DMD: variants seen among roughly 807,000 people sequenced by gnomAD.
The protein encoded by DMD is mutant dystrophin.
Under a neutral mutation model 330.1 loss-of-function variants are expected in DMD, and 63 were observed. That is an observed-to-expected ratio of 0.19 (90% confidence interval 0.16 to 0.24). DMD has a LOEUF of 0.24. Among genes scored for constraint, DMD ranks in the 10% least tolerant of loss-of-function variants. DMD has a pLI of 1.00. For synonymous variants in DMD, 1,223 were observed against 959.8 expected, an observed-to-expected ratio of 1.27 and a Z score of -5.07; for missense variants, 3,344 against 2,684.1, an observed-to-expected ratio of 1.25 and a Z score of -5.43.
intron 50 of DMD, among the ~76,000 whole-genome samples, chrX:31,814,574 A>G (rs1285298850): frequency 2.8e-5 from 3 of 106,989 alleles, no homozygotes; most frequent in Non-Finnish European, 5.8e-5. Flanking sequence ...TTCATTCCAT[A>G]GTTATTACCA....
chrX:31,947,375 T>C (rs753456733), intron 45 of DMD, among the ~76,000 whole-genome samples: 1 of 112,428 alleles, frequency 8.9e-6, no homozygotes, highest in African/African-American at 3.2e-5. Context: ...TCCTCTTGCC[T>C]TGGCCTCCCA....
intron 2 of DMD, among the ~76,000 whole-genome samples, chrX:32,895,841 G>T (rs1201898723): frequency 1.6e-5 from 1 of 63,029 alleles, no homozygotes; most frequent in Non-Finnish European, 2.8e-5. Context: ...GGCTTGGAAT[G>T]AACGTGTGTG....
chrX:32,024,486 CAAAAAA>C (rs71872956), intron 44 of DMD, among the ~76,000 whole-genome samples: 8 of 61,624 alleles, frequency 1.3e-4, no homozygotes, highest in African/African-American at 5.6e-4. Flanking sequence ...AACTCCCTCT[CAAAAAA>C]AAAAAAAAAA....
chrX:31,601,765 T>G, intron 55 of DMD, among the ~76,000 whole-genome samples: 1 of 111,541 alleles, frequency 9.0e-6, no homozygotes, highest in Middle Eastern at 4.6e-3. Context: ...TACTGCTCTT[T>G]ATATATTTCG....
chrX:31,801,582 C>T (rs2092064936), intron 50 of DMD, among the ~76,000 whole-genome samples: 1 of 69,323 alleles, frequency 1.4e-5, no homozygotes, highest in African/African-American at 5.0e-5. Flanking sequence ...TGTCCTCATC[C>T]CCCCCCCCCA....
At chrX:32,569,241 A>G in intron 15 of DMD, among the ~76,000 whole-genome samples, 1 of 112,156 alleles carries the variant, frequency 8.9e-6, no homozygotes, top group East Asian at 2.8e-4. Flanking sequence ...TCCTTACAAA[A>G]GGCCCAGGAA....
At chrX:32,600,598 G>GCACACACACA (rs201249837) in intron 12 of DMD, among the ~76,000 whole-genome samples, 21 of 95,286 alleles carry the variant, frequency 2.2e-4, no homozygotes, top group South Asian at 1.6e-3. Context: ...ACACGCACAC[G>GCACACACACA]CACACACACA....
At chrX:31,569,498 TAC>T (rs1363204153) in intron 55 of DMD, among the ~76,000 whole-genome samples, 1 of 106,697 alleles carries the variant, frequency 9.4e-6, no homozygotes, top group East Asian at 2.9e-4. Context: ...ATTCCTGCCC[TAC>T]AGTTAGTGAT....
At position 32,827,065 on chromosome X, in the gene DMD, C is replaced by CCCACACACA. The variant is rs767139724; in HGVS notation, c.265-3679_265-3678insTGTGTGTGG. Among the ~76,000 whole-genome samples, 217 of 68,949 alleles carry CCCACACACA rather than the reference C, an allele frequency of 3.1e-3. 5 individuals carry two copies. Among genetic ancestry groups the CCCACACACA allele is most frequent in the Non-Finnish European group, 5.0e-3 (190 of 38,159 alleles). 59.9% of individuals were successfully genotyped at this position (68,949 alleles called of 115,157 possible). On this transcript the variant is annotated intron_variant, in intron 4 of 78. Transcript: ENST00000357033. ...TTGGAACACACATCGCACCCCCCCCCCACACACACACACACACAGCAGCAG... is the reference window on the plus strand; with the variant it reads ...TTGGAACACACATCGCACCCCCCCCCCCACACACACACACACACACACACACAGCAGCAG...
chrX:31,808,191 C>T (rs1365939579), intron 50 of DMD, among the ~76,000 whole-genome samples: 3 of 111,348 alleles, frequency 2.7e-5, no homozygotes, highest in South Asian at 3.7e-4. Context: ...TATGATAGGC[C>T]TATATATTAC....
chrX:31,499,489 C>CTTTTTTTTTTTTTTTT (rs774151183), intron 56 of DMD, among the ~76,000 whole-genome samples: 2 of 83,664 alleles, frequency 2.4e-5, no homozygotes, highest in African/African-American at 9.1e-5. Flanking sequence ...GAATTCAGTT[C>CTTTTTTTTTTTTTTTT]TTTTTTTTTT....
chrX:31,700,962 G>A (rs1319565433), intron 52 of DMD, among the ~76,000 whole-genome samples: 1 of 111,822 alleles, frequency 8.9e-6, no homozygotes, highest in Non-Finnish European at 1.9e-5. Flanking sequence ...AACTAATTAA[G>A]TGCCAAATGT....
intron 55 of DMD, among the ~76,000 whole-genome samples, chrX:31,605,958 G>C (rs2077589298): frequency 9.0e-6 from 1 of 111,360 alleles, no homozygotes; most frequent in African/African-American, 3.3e-5. Flanking sequence ...TGGCTTGGCT[G>C]TGTCCCCACC....
intron 74 of DMD, among the ~76,000 whole-genome samples, chrX:31,154,417 A>G (rs1335941767): frequency 1.8e-5 from 2 of 108,803 alleles, no homozygotes; most frequent in African/African-American, 6.7e-5. Flanking sequence ...CTCAGCCTCC[A>G]GAGTCACTGG....
chrX:31,817,697 A>G (rs1233703986), intron 50 of DMD, among the ~76,000 whole-genome samples: 5 of 111,538 alleles, frequency 4.5e-5, no homozygotes, highest in Admixed American at 3.8e-4. Flanking sequence ...ATAGGAGAAG[A>G]CAAGAGTGGT....
chrX:32,740,204 G>GT (rs1434597197), intron 7 of DMD, among the ~76,000 whole-genome samples: 1 of 110,219 alleles, frequency 9.1e-6, no homozygotes, highest in Admixed American at 9.9e-5. Context: ...CTTCAGCTGA[G>GT]TACAATGAGT....
At chrX:31,411,788 C>G (rs2061656579) in intron 60 of DMD, among the ~76,000 whole-genome samples, 1 of 109,806 alleles carries the variant, frequency 9.1e-6, no homozygotes, top group Admixed American at 9.7e-5. Context: ...TGCCTGCCAC[C>G]ACACCCAGCT....
intron 1 of DMD, among the ~76,000 whole-genome samples, chrX:33,062,508 G>A (rs1297870101): frequency 8.9e-6 from 1 of 111,939 alleles, no homozygotes; most frequent in African/African-American, 3.2e-5. Flanking sequence ...ATGGAGTCTC[G>A]TTCTGTTGCC....
intron 2 of DMD, among the ~76,000 whole-genome samples, chrX:32,992,559 G>A (rs1569547635): frequency 9.0e-6 from 1 of 111,554 alleles, no homozygotes; most frequent in Non-Finnish European, 1.9e-5. Context: ...ATTCCTGAAT[G>A]ATACTCACAA....
Sources: gnomAD v4.1 joint callset for allele counts (sites outside exome capture counted in the v4.1 genomes callset) on GRCh38, gnomAD v4.1.1 for gene constraint, MANE v1.5 for transcripts, NCBI Gene and HGNC (gene_info 2026-07-23, HGNC 2026-07-21) for gene names.